LRBA: variants seen among roughly 807,000 people sequenced by gnomAD.
LRBA encodes the protein LPS responsive beige-like anchor protein, also known as lipopolysaccharide-responsive and beige-like anchor protein.
Under a neutral mutation model 330.0 loss-of-function variants are expected in LRBA, and 176 were observed. The ratio of observed to expected loss-of-function variants is 0.53; its 90% CI spans 0.47 to 0.60. The LOEUF (loss-of-function observed/expected upper bound fraction) is 0.60, where lower values mean the gene tolerates loss of function less well. LRBA is among the 20% of genes least tolerant of loss of function. The pLI is 0.00. For synonymous variants in LRBA, 1,230 were observed against 1,193.0 expected (o/e 1.03, Z -0.64); for missense variants, 3,259 against 3,444.8 (o/e 0.95, Z 1.35).
intron 42 of LRBA, among the ~76,000 whole-genome samples, chr4:150,481,710 A>AT (rs1757322645): frequency 6.6e-6 from 1 of 152,124 alleles, no homozygotes; most frequent in African/African-American, 2.4e-5. Flanking sequence ...TTCATTTAGC[A>AT]TAACACTTTT....
chr4:150,308,988 T>C (rs945729316), intron 52 of LRBA, among the ~76,000 whole-genome samples: 2 of 152,308 alleles, frequency 1.3e-5, no homozygotes, highest in East Asian at 3.9e-4. Flanking sequence ...TGTACAGTCA[T>C]ATCCTAGGCC....
At chr4:150,620,066 T>C (rs1312403412) in intron 37 of LRBA, among the ~76,000 whole-genome samples, 2 of 152,146 alleles carry the variant, frequency 1.3e-5, no homozygotes, top group African/African-American at 2.4e-5. Context: ...TACTGACATA[T>C]TAAATACCTA....
Position 150,590,871 on chromosome 4 carries a change from A to G in LRBA, c.6047-12T>C. 1 of 1,613,240 alleles carries G rather than the reference A, an allele frequency of 6.2e-7. No individual in the cohort carries two copies. The highest frequency in any genetic ancestry group is 8.5e-7 in the Non-Finnish European group (1 of 1,179,774). ...ATCTTCATCTGTGGCTGAAATGAAA[A>G]GGAAACAAAGCTGTCCATCAGTTCT... On this transcript the variant is annotated splice_polypyrimidine_tract_variant and intron_variant, in intron 38 of 56. Transcript: ENST00000651943.
At chr4:150,844,855 A>C in intron 26 of LRBA, 76 bp from the exon 27 acceptor site, 1 of 1,129,208 alleles carries the variant, frequency 8.9e-7, no homozygotes, top group Non-Finnish European at 1.3e-6. Context: ...AACATCAACT[A>C]CACAATATGA....
At chr4:150,270,693 A>T (rs890545717) in intron 56 of LRBA, among the ~76,000 whole-genome samples, 3 of 152,166 alleles carry the variant, frequency 2.0e-5, no homozygotes, top group Non-Finnish European at 4.4e-5. Flanking sequence ...AATTTTTTTT[A>T]AAAGGAACAA....
At position 150,914,338 on chromosome 4, in the gene LRBA, A is replaced by G; in HGVS notation, c.1018T>C (p.Phe340Leu). The G allele has an allele frequency of 6.7e-7, 1 of 1,495,852 alleles. No individual in the cohort carries two copies. Among genetic ancestry groups the G allele is most frequent in the Non-Finnish European group, 8.9e-7 (1 of 1,118,772 alleles). The allele number at this position is 1,495,852 out of a possible 1,614,324, so 92.7% of individuals were successfully genotyped here. Residue 340 changes from phenylalanine (F) to leucine (L), a missense_variant, in exon 9 of 57, where the codon TTT (phenylalanine) becomes CTT (leucine). Coordinates refer to ENST00000651943, the MANE Select transcript of LRBA (RefSeq NM_001364905.1). ...ITWFVNTSDT[F>L]DKCFLGSSET... ...GATGAGCCCAGGAAACATTTGTCAA[A>G]GGTCTGTAAAAGAAAAAAAAAAAGG...
intron 40 of LRBA, among the ~76,000 whole-genome samples, chr4:150,522,702 G>A (rs1356999941): frequency 6.6e-6 from 1 of 152,210 alleles, no homozygotes; most frequent in African/African-American, 2.4e-5. Flanking sequence ...GTGCAGTTCA[G>A]GCCACCTCTC....
At chr4:150,543,071 G>C (rs577158477) in intron 40 of LRBA, among the ~76,000 whole-genome samples, 1 of 152,148 alleles carries the variant, frequency 6.6e-6, no homozygotes, top group African/African-American at 2.4e-5. Context: ...TTAACTCAAG[G>C]GGCTTTGCTA....
intron 2 of LRBA, among the ~76,000 whole-genome samples, chr4:150,965,575 T>C (rs1162283986): frequency 6.6e-6 from 1 of 152,232 alleles, no homozygotes; most frequent in Non-Finnish European, 1.5e-5. Flanking sequence ...TCTCACTCTG[T>C]TGTCCAGGTG....
chr4:151,011,633 T>A (rs1399978339), intron 2 of LRBA, among the ~76,000 whole-genome samples: 1 of 151,112 alleles, frequency 6.6e-6, no homozygotes, highest in East Asian at 1.9e-4. Flanking sequence ...AACTATCAAT[T>A]AGGAAATATT....
chr4:150,498,254 T>C (rs1759818133), intron 40 of LRBA, among the ~76,000 whole-genome samples: 1 of 152,188 alleles, frequency 6.6e-6, no homozygotes, highest in Admixed American at 6.5e-5. Flanking sequence ...CCTTGGCCTG[T>C]AAATAATTCA....
Position 150,436,793 on chromosome 4 carries a change from T to C in LRBA, c.6852A>G (p.Gln2284=), listed in dbSNP as rs140538555. The C allele has an allele frequency of 4.7e-5, 76 of 1,613,750 alleles. No individual in the cohort carries two copies. The East Asian group carries it at 1.5e-3, about 32-fold the overall frequency. The part of the protein sequence containing the change: ...AERYESWEDD[Q]VPKFHYGTHY... ...GAGTACCATAGTGAAACTTTGGAACTTGATCATCTTCCCATGATTCATAAC... is the reference window on the plus strand; with the variant it reads ...GAGTACCATAGTGAAACTTTGGAACCTGATCATCTTCCCATGATTCATAAC... Residue 2284 remains glutamine (Q), a synonymous_variant, in exon 45 of 57, where the codon CAA becomes CAG. Coordinates refer to ENST00000651943, the MANE Select transcript of LRBA (RefSeq NM_001364905.1).
At chr4:150,842,673 G>A (rs1749267324) in intron 28 of LRBA, among the ~76,000 whole-genome samples, 1 of 152,210 alleles carries the variant, frequency 6.6e-6, no homozygotes, top group South Asian at 2.1e-4. Flanking sequence ...TAAGAAGGTA[G>A]TATAGCCTTT....
intron 47 of LRBA, among the ~76,000 whole-genome samples, chr4:150,403,068 T>C (rs962749295): frequency 6.6e-5 from 10 of 152,212 alleles, no homozygotes; most frequent in Non-Finnish European, 1.5e-4. Flanking sequence ...AGCAGTCATT[T>C]ATCGGGTAAC....
At chr4:150,544,116 AT>A (rs1422056924) in intron 40 of LRBA, among the ~76,000 whole-genome samples, 1 of 150,830 alleles carries the variant, frequency 6.6e-6, no homozygotes, top group Non-Finnish European at 1.5e-5. Context: ...TCCAAACATA[AT>A]TCTTCCTTTC....
At chr4:150,552,794 G>C (rs533658946) in intron 40 of LRBA, among the ~76,000 whole-genome samples, 1 of 152,248 alleles carries the variant, frequency 6.6e-6, no homozygotes, top group Admixed American at 6.5e-5. Context: ...TGGCAGCTGG[G>C]CATGGTGGCT....
chr4:150,375,388 G>A (rs927071716), intron 47 of LRBA, among the ~76,000 whole-genome samples: 18 of 152,060 alleles, frequency 1.2e-4, no homozygotes, highest in African/African-American at 4.3e-4. Context: ...ATTACATCAG[G>A]ATTGGCTACT....
chr4:150,674,750 C>T (rs1782383376), intron 37 of LRBA, among the ~76,000 whole-genome samples: 1 of 151,598 alleles, frequency 6.6e-6, no homozygotes. Flanking sequence ...TGTCATGTGC[C>T]TGTGGTCCCA....
At chr4:150,939,929 T>C (rs1735486253) in intron 2 of LRBA, among the ~76,000 whole-genome samples, 1 of 152,094 alleles carries the variant, frequency 6.6e-6, no homozygotes, top group Admixed American at 6.5e-5. Context: ...CATAACTCAA[T>C]ATATCAAGGT....
Sources: allele counts gnomAD v4.1 joint callset (sites outside exome capture counted in the v4.1 genomes callset), GRCh38; gene constraint gnomAD v4.1.1; transcripts MANE v1.5; gene names NCBI Gene and HGNC (gene_info 2026-07-23, HGNC 2026-07-21).